ATXN7: variants seen among roughly 807,000 people sequenced by gnomAD.
The protein encoded by ATXN7 is ataxin 7, also known as ataxin-7.
Under a neutral mutation model 70.5 loss-of-function variants are expected in ATXN7, and 12 were observed. The ratio of observed to expected loss-of-function variants is 0.17; its 90% CI spans 0.11 to 0.28. ATXN7 has a LOEUF of 0.28. ATXN7 is among the 10% of genes least tolerant of loss of function. The probability of loss-of-function intolerance (pLI) is 1.00; values close to 1 mark genes in which losing one functional copy is unlikely to be tolerated. For missense variants in ATXN7, 1,256 were observed against 1,131.7 expected, an observed-to-expected ratio of 1.11 and a Z score of -1.58; for synonymous variants, 498 against 448.7, an observed-to-expected ratio of 1.11 and a Z score of -1.39.
chr3:63,891,706 A>G (rs1002240367), intron 1 of ATXN7, among the ~76,000 whole-genome samples: 1 of 152,186 alleles, frequency 6.6e-6, no homozygotes, highest in Non-Finnish European at 1.5e-5. Flanking sequence ...TAGGCAAACT[A>G]TGTGCTCAGG....
In ATXN7 at chr3:63,996,134, G is replaced by A. The variant is rs372175214; in HGVS notation, c.2312G>A (p.Arg771Gln). The change falls in exon 12 of 13, where the codon CGG becomes CAG. Residue 771 changes from arginine to glutamine, a missense_variant. Transcript: ENST00000674280. ...VTNKANAVNV[R>Q]HDQSGRGPPT... Reference sequence around the variant, plus strand: ...AATAAAGCAAATGCGGTGAACGTCCGGCATGACCAGTCAGGGAGGGGCCCC... The same window carrying A: ...AATAAAGCAAATGCGGTGAACGTCCAGCATGACCAGTCAGGGAGGGGCCCC... 44 of 1,614,040 alleles carry A rather than the reference G, an allele frequency of 2.7e-5. No individual in the cohort carries two copies. The highest frequency in any genetic ancestry group is 5.5e-5 in the South Asian group (5 of 91,080).
chr3:63,959,566 A>T (rs1223516169), intron 5 of ATXN7, among the ~76,000 whole-genome samples: 1 of 152,222 alleles, frequency 6.6e-6, no homozygotes, highest in Non-Finnish European at 1.5e-5. Context: ...CGTGACATAC[A>T]GTGTATTCAT....
intron 9 of ATXN7, among the ~76,000 whole-genome samples, chr3:63,988,979 G>T (rs2075621923): frequency 6.6e-6 from 1 of 152,130 alleles, no homozygotes; most frequent in African/African-American, 2.4e-5. Flanking sequence ...AGAAAGAGGG[G>T]CTTCAGTGTT....
intron 8 of ATXN7, among the ~76,000 whole-genome samples, chr3:63,986,752 A>C (rs1273832813): frequency 6.6e-6 from 1 of 152,206 alleles, no homozygotes; most frequent in African/African-American, 2.4e-5. Context: ...AGGTAGACAT[A>C]GTTTGCAGTG....
chr3:63,928,342 A>C (rs1417041293), intron 4 of ATXN7, among the ~76,000 whole-genome samples: 2 of 152,202 alleles, frequency 1.3e-5, no homozygotes, highest in East Asian at 3.9e-4. Context: ...TAGGATTTAG[A>C]TAGATGGCAA....
At chr3:63,990,591 G>A (rs2106787624) in intron 10 of ATXN7, 147 bp from the exon 11 acceptor site, 1 of 1,324,378 alleles carries the variant, frequency 7.6e-7, no homozygotes, top group Admixed American at 1.8e-5. Context: ...TCAGGGCTAG[G>A]CATTGTCACT....
intron 12 of ATXN7, 134 bp downstream of exon 12, chr3:63,996,617 TAA>T (rs752406394): frequency 0.18 from 36,758 of 199,650 alleles, 2,639 homozygotes; most frequent in African/African-American, 0.31. Flanking sequence ...GGTGTCTTCT[TAA>T]AAAAAAAAAA....
chr3:63,985,332 G>A (rs565807680), intron 8 of ATXN7, among the ~76,000 whole-genome samples: 5 of 152,158 alleles, frequency 3.3e-5, no homozygotes, highest in Admixed American at 6.5e-5. Context: ...ATTACTCTCC[G>A]TGGCATTGGG....
At chr3:63,974,619 A>T (rs1288075224) in intron 5 of ATXN7, among the ~76,000 whole-genome samples, 2 of 152,248 alleles carry the variant, frequency 1.3e-5, no homozygotes, top group Non-Finnish European at 2.9e-5. Context: ...GGTTAATAAT[A>T]GTATCTACTT....
chr3:63,941,181 G>A (rs1559640230), intron 4 of ATXN7, among the ~76,000 whole-genome samples: 3 of 152,148 alleles, frequency 2.0e-5, no homozygotes, highest in Non-Finnish European at 2.9e-5. Context: ...TTTGTAATTA[G>A]TGAGTAATTA....
intron 12 of ATXN7, chr3:63,998,310 G>A (rs1449164474): frequency 2.0e-6 from 2 of 985,162 alleles, no homozygotes; most frequent in Non-Finnish European, 2.4e-6. Flanking sequence ...AAGAGAGGCT[G>A]CAGATCTGGA....
In ATXN7 at chr3:63,879,849, C is replaced by T. The variant is rs537463280; in HGVS notation, c.-111+15691C>T. ...CTGTAATCCTAGCACTTTGGGAGGC[C>T]GAGGCAGGTGGATCACGAGGTCAGG... On this transcript the variant is annotated intron_variant, in intron 1 of 12. Coordinates refer to ENST00000674280, the MANE Select transcript of ATXN7 (RefSeq NM_001377405.1). Among the ~76,000 whole-genome samples the T allele has an allele frequency of 3.9e-3, 592 of 151,912 alleles. 3 individuals are homozygous for T. The highest frequency in any genetic ancestry group is 4.9e-3 in the Non-Finnish European group (331 of 67,966).
At chr3:63,877,296 AT>A (rs1183363874) in intron 1 of ATXN7, among the ~76,000 whole-genome samples, 1 of 152,220 alleles carries the variant, frequency 6.6e-6, no homozygotes, top group African/African-American at 2.4e-5. Flanking sequence ...ATAGAAGGAA[AT>A]AAAAGTTACT....
intron 5 of ATXN7, among the ~76,000 whole-genome samples, chr3:63,972,174 A>T (rs1210347310): frequency 2.0e-5 from 3 of 152,194 alleles, no homozygotes; most frequent in African/African-American, 4.8e-5. Context: ...TAATTTTGTG[A>T]AGGGACAGCT....
chr3:63,990,780 G>C lies in ATXN7; in HGVS notation c.1603G>C (p.Val535Leu). 6.2e-7 allele frequency: 1 copy of C among 1,614,174 alleles called. No individual in the cohort carries two copies. The highest frequency in any genetic ancestry group is 1.3e-5 in the African/African-American group (1 of 75,038). ...GSRQIGRGYY[V>L]FDSRWNRLRC... The stretch of plus-strand genomic sequence containing the variant: ...CCGGCAGATAGGAAGAGGCTATTAC[G>C]TGTTTGACTCCAGGTGGAATCGACT... Residue 535 changes from valine (V) to leucine (L), a missense_variant, in exon 11 of 13, where the codon GTG (valine) becomes CTG (leucine). By Grantham distance (32) the Val-to-Leu change is conservative. Transcript: ENST00000674280.
chr3:63,873,367 T>C (rs1013055698), intron 1 of ATXN7, among the ~76,000 whole-genome samples: 7 of 152,118 alleles, frequency 4.6e-5, no homozygotes, highest in Non-Finnish European at 8.8e-5. Flanking sequence ...GGGATCCAGG[T>C]AGCAGGACTC....
At chr3:63,916,917 G>T (rs1025263224) in intron 4 of ATXN7, among the ~76,000 whole-genome samples, 3 of 151,870 alleles carry the variant, frequency 2.0e-5, no homozygotes, top group African/African-American at 7.3e-5. Flanking sequence ...TGTTGTTGTT[G>T]TTGTTATTGT....
At chr3:63,972,119 A>C (rs1387844482) in intron 5 of ATXN7, among the ~76,000 whole-genome samples, 1 of 152,206 alleles carries the variant, frequency 6.6e-6, no homozygotes, top group Non-Finnish European at 1.5e-5. Flanking sequence ...GTATAATAGC[A>C]AGCTGCAGTT....
In ATXN7 at chr3:63,912,613, C is replaced by T; in HGVS notation, c.15C>T (p.Ala5=). 2.7e-6 allele frequency: 3 copies of T among 1,091,758 alleles called. No individual in the cohort carries two copies. The highest frequency in any genetic ancestry group is 3.4e-6 in the Non-Finnish European group (3 of 886,664). 67.6% of individuals were successfully genotyped at this position (1,091,758 alleles called of 1,614,324 possible). The change falls in exon 3 of 13, where the codon GCC becomes GCT. Residue 5 remains alanine, a synonymous_variant. Coordinates refer to ENST00000674280, the MANE Select transcript of ATXN7 (RefSeq NM_001377405.1). Reference sequence around the variant, plus strand: ...GAGCGGAAAGAATGTCGGAGCGGGCCGCGGATGACGTCAGGGGGGAGCCGC... The same window carrying T: ...GAGCGGAAAGAATGTCGGAGCGGGCTGCGGATGACGTCAGGGGGGAGCCGC... MSER[A]ADDVRGEPRR...
Sources: gnomAD v4.1 joint callset for allele counts (sites outside exome capture counted in the v4.1 genomes callset) on GRCh38, gnomAD v4.1.1 for gene constraint, MANE v1.5 for transcripts, NCBI Gene and HGNC (gene_info 2026-07-23, HGNC 2026-07-21) for gene names.